The following FOCAD variants were observed in gnomAD, a reference collection of about 807,000 sequenced individuals.
The protein encoded by FOCAD is focadhesin, also known as KIAA1797.
FOCAD carries 198 observed loss-of-function variants against 225.6 expected under a neutral mutation model. The observed-to-expected ratio is 0.88, with a 90% CI of 0.78 to 0.99. The LOEUF (loss-of-function observed/expected upper bound fraction) is 0.99. FOCAD is among the 50% of genes least tolerant of loss of function. The pLI is 0.00. For missense variants in FOCAD, 2,713 were observed against 2,123.6 expected (o/e 1.28, Z -5.46); for synonymous variants, 897 against 755.0 (o/e 1.19, Z -3.08).
At chr9:20,867,232 A>T (rs764589218) in intron 18 of FOCAD, among the ~76,000 whole-genome samples, 2 of 151,912 alleles carry the variant, frequency 1.3e-5, no homozygotes, top group Non-Finnish European at 2.9e-5. Flanking sequence ...AAATCTTCTT[A>T]AGGTGACTGG....
intron 16 of FOCAD, among the ~76,000 whole-genome samples, chr9:20,865,625 C>T (rs1829161130): frequency 6.6e-6 from 1 of 152,014 alleles, no homozygotes; most frequent in Admixed American, 6.6e-5. Context: ...TAGGCTAGAA[C>T]AGTGGCATGA....
At chr9:20,810,761 C>T (rs1218866379) in intron 11 of FOCAD, among the ~76,000 whole-genome samples, 1 of 152,056 alleles carries the variant, frequency 6.6e-6, no homozygotes, top group Non-Finnish European at 1.5e-5. Context: ...TGAGACTCAC[C>T]TGGAAATAAA....
At chr9:20,758,387 T>G (rs567054842) in intron 6 of FOCAD, among the ~76,000 whole-genome samples, 196 bp downstream of exon 6, 22 of 152,158 alleles carry the variant, frequency 1.4e-4, no homozygotes, top group African/African-American at 3.6e-4. Context: ...TATTATACTT[T>G]AAGTTTTAGG....
At chr9:20,853,160 T>G (rs1307800170) in intron 15 of FOCAD, among the ~76,000 whole-genome samples, 1 of 151,814 alleles carries the variant, frequency 6.6e-6, no homozygotes, top group Non-Finnish European at 1.5e-5. Context: ...GAAAAGTGAA[T>G]GTCCCTATAG....
chr9:20,785,558 G>A (rs192219618), intron 10 of FOCAD, among the ~76,000 whole-genome samples: 1 of 152,012 alleles, frequency 6.6e-6, no homozygotes, highest in Non-Finnish European at 1.5e-5. Context: ...TTCAAGGTTT[G>A]TCCATGTTGT....
intron 15 of FOCAD, among the ~76,000 whole-genome samples, chr9:20,853,561 G>A (rs1827880346): frequency 6.6e-6 from 1 of 151,728 alleles, no homozygotes; most frequent in Non-Finnish European, 1.5e-5. Context: ...TTTACTACAA[G>A]TCCAAATATT....
intron 21 of FOCAD, among the ~76,000 whole-genome samples, chr9:20,904,818 A>G (rs1319009597): frequency 1.3e-5 from 2 of 152,158 alleles, no homozygotes; most frequent in African/African-American, 2.4e-5. Flanking sequence ...GATTTTTTTC[A>G]AAGGCTTCTC....
chr9:20,792,937 A>C (rs1293718621), intron 11 of FOCAD, among the ~76,000 whole-genome samples: 1 of 152,192 alleles, frequency 6.6e-6, no homozygotes. Flanking sequence ...AATGTGTGAA[A>C]TTTAATGGTC....
At chr9:20,993,225 T>C (rs1440421125) in intron 42 of FOCAD, 28 bp from the exon 43 acceptor site, 1 of 1,582,490 alleles carries the variant, frequency 6.3e-7, no homozygotes, top group East Asian at 2.2e-5. Context: ...ATTCTCTTCT[T>C]TGACACTATT....
intron 21 of FOCAD, among the ~76,000 whole-genome samples, chr9:20,892,524 C>T (rs896633248): frequency 2.0e-5 from 3 of 152,066 alleles, no homozygotes; most frequent in Non-Finnish European, 4.4e-5. Context: ...GAGGAAGTCA[C>T]TGCAGATGTG....
At chr9:20,958,518 A>G (rs2132438234) in intron 35 of FOCAD, among the ~76,000 whole-genome samples, 1 of 152,238 alleles carries the variant, frequency 6.6e-6, no homozygotes, top group Middle Eastern at 3.4e-3. Context: ...CATCTCAAAC[A>G]TTTATCATTT....
At chr9:20,978,091 A>T (rs1840369386) in intron 36 of FOCAD, among the ~76,000 whole-genome samples, 1 of 152,178 alleles carries the variant, frequency 6.6e-6, no homozygotes, top group Non-Finnish European at 1.5e-5. Flanking sequence ...TTTCCTCTGG[A>T]TATCATAAGA....
chr9:20,825,330 C>T (rs1298614880), intron 15 of FOCAD, among the ~76,000 whole-genome samples: 2 of 152,108 alleles, frequency 1.3e-5, no homozygotes, highest in African/African-American at 2.4e-5. Context: ...TCACAGAGGT[C>T]AGCTCGCATT....
chr9:20,759,324 A>G (rs1415561674), intron 6 of FOCAD, among the ~76,000 whole-genome samples: 5 of 152,330 alleles, frequency 3.3e-5, no homozygotes, highest in African/African-American at 9.6e-5. Context: ...CTACAAGGCT[A>G]CAGTCACCAA....
intron 5 of FOCAD, among the ~76,000 whole-genome samples, chr9:20,748,521 A>G (rs1828264604): frequency 1.3e-5 from 2 of 152,154 alleles, no homozygotes; most frequent in Non-Finnish European, 2.9e-5. Context: ...ATATGGTTTC[A>G]GAGGGCTTGT....
chr9:20,866,104 A>C (rs1364991485), intron 17 of FOCAD, 128 bp downstream of exon 17: 2 of 752,896 alleles, frequency 2.7e-6, no homozygotes, highest in African/African-American at 1.8e-5. Context: ...TTTTTAAAAA[A>C]AGTGTGATTA....
Position 20,948,872 on chromosome 9 carries a change from C to T in FOCAD, c.3820C>T (p.Leu1274=). Residue 1274 remains leucine (L), a synonymous_variant, in exon 32 of 44, where the codon CTG becomes TTG. Transcript: ENST00000338382. ...TCAGGGCACTCCCACAATGCTTTGT[C>T]TGGCAGCTCTTCATGGCATGGTGGC... ...LTEGTPTMLC[L]AALHGMVALV... The T allele has an allele frequency of 1.2e-6, 2 of 1,613,514 alleles. No homozygotes were observed. The highest frequency in any genetic ancestry group is 1.7e-6 in the Non-Finnish European group (2 of 1,179,548).
At chr9:20,816,178 C>T (rs757976609) in intron 11 of FOCAD, among the ~76,000 whole-genome samples, 10 of 152,050 alleles carry the variant, frequency 6.6e-5, no homozygotes, top group Admixed American at 6.6e-5. Context: ...CTTTATTTCT[C>T]CCCTGACAGT....
intron 11 of FOCAD, among the ~76,000 whole-genome samples, chr9:20,815,125 TTTTTTTTTTTTG>T (rs1270230638): frequency 7.1e-4 from 21 of 29,552 alleles, no homozygotes; most frequent in Admixed American, 1.0e-3. Flanking sequence ...TTCTCTTTGT[TTTTTTTTTTTTG>T]TTTTTTTTTT....
Sources: gnomAD v4.1 joint callset for allele counts (sites outside exome capture counted in the v4.1 genomes callset) on GRCh38, gnomAD v4.1.1 for gene constraint, MANE v1.5 for transcripts, NCBI Gene and HGNC (gene_info 2026-07-23, HGNC 2026-07-21) for gene names.